Variants in BAZ2B observed in about 807,000 individuals in gnomAD.
BAZ2B encodes the protein bromodomain adjacent to zinc finger domain protein 2B.
A neutral mutation model predicts 246.0 loss-of-function variants in BAZ2B; 91 were observed. That is an observed-to-expected ratio of 0.37 (90% CI 0.31 to 0.44). The LOEUF (loss-of-function observed/expected upper bound fraction) is 0.44, where lower values mean the gene tolerates loss of function less well. Among genes scored for constraint, BAZ2B ranks in the 20% least tolerant of loss-of-function variants. BAZ2B has a pLI of 1.00. For missense variants in BAZ2B, 2,332 were observed against 2,533.7 expected (o/e 0.92, Z 1.71); for synonymous variants, 855 against 860.0 (o/e 0.99, Z 0.10).
At position 159,596,414 on chromosome 2, in the gene BAZ2B, TAA is replaced by T. The variant is rs202036226; in HGVS notation, c.-46+19826_-46+19827del. ...CGGCCCTAAAGTTTGTTCAAGAATATAAAAGACAATGAAGGACCTAACCTAGA... is the reference window on the plus strand; with the variant it reads ...CGGCCCTAAAGTTTGTTCAAGAATATAAGACAATGAAGGACCTAACCTAGA... On this transcript the variant is annotated intron_variant, in intron 1 of 36. Transcript: ENST00000392783. 5.4e-4 allele frequency among the ~76,000 whole-genome samples: 83 copies of T among 152,346 alleles called. 2 individuals are homozygous for T. In the East Asian group the frequency reaches 0.011, roughly 21 times the overall value.
chr2:159,588,905 C>G (rs1688666766), intron 1 of BAZ2B, among the ~76,000 whole-genome samples: 1 of 152,120 alleles, frequency 6.6e-6, no homozygotes, highest in Admixed American at 6.6e-5. Flanking sequence ...ATATAGTCAG[C>G]CACTCTACCT....
intron 2 of BAZ2B, among the ~76,000 whole-genome samples, chr2:159,545,917 A>G (rs2087272557): frequency 6.6e-6 from 1 of 152,228 alleles, no homozygotes; most frequent in African/African-American, 2.4e-5. Context: ...ACAACTACGG[A>G]TAAGGATAAA....
At chr2:159,475,713 T>C (rs923427419) in intron 3 of BAZ2B, among the ~76,000 whole-genome samples, 1 of 152,206 alleles carries the variant, frequency 6.6e-6, no homozygotes, top group African/African-American at 2.4e-5. Context: ...GTCTTTGATG[T>C]TGTTGACCTT....
At chr2:159,575,260 C>A (rs1685032249) in intron 1 of BAZ2B, among the ~76,000 whole-genome samples, 1 of 151,900 alleles carries the variant, frequency 6.6e-6, no homozygotes, top group Non-Finnish European at 1.5e-5. Flanking sequence ...CTCATTCATA[C>A]CAGGGTTACT....
chr2:159,584,786 A>G (rs1687663484), intron 1 of BAZ2B, among the ~76,000 whole-genome samples: 1 of 152,104 alleles, frequency 6.6e-6, no homozygotes, highest in Non-Finnish European at 1.5e-5. Context: ...AGGTGATTGG[A>G]TCATAGGGGT....
At chr2:159,356,515 A>G (rs1022120669) in intron 27 of BAZ2B, among the ~76,000 whole-genome samples, 4 of 152,092 alleles carry the variant, frequency 2.6e-5, no homozygotes, top group Admixed American at 6.5e-5. Flanking sequence ...TCAAACTCCC[A>G]TCTCCCTGGG....
chr2:159,449,408 A>C (rs12988336), intron 4 of BAZ2B, among the ~76,000 whole-genome samples: 49,876 of 152,010 alleles, frequency 0.33, 9,739 homozygotes, highest in Non-Finnish European at 0.46. Context: ...GAGGAAAAAA[A>C]CCCACAACAA....
intron 1 of BAZ2B, among the ~76,000 whole-genome samples, chr2:159,586,674 AC>A (rs1165077782): frequency 3.3e-5 from 5 of 152,156 alleles, no homozygotes; most frequent in Admixed American, 6.6e-5. Context: ...TTCAAGAACA[AC>A]CTGAGCAACA....
chr2:159,608,655 A>G (rs1255402561), intron 1 of BAZ2B, among the ~76,000 whole-genome samples: 1 of 152,208 alleles, frequency 6.6e-6, no homozygotes, highest in Non-Finnish European at 1.5e-5. Flanking sequence ...ACATAAAATA[A>G]TTTACAAAAT....
chr2:159,684,842 T>C, the BAZ2B span, among the ~76,000 whole-genome samples: 2 of 152,206 alleles, frequency 1.3e-5, no homozygotes, highest in Non-Finnish European at 2.9e-5. Context: ...TAATTTGATT[T>C]AGTAGTAACC....
intron 23 of BAZ2B, among the ~76,000 whole-genome samples, chr2:159,384,241 T>C (rs1051851266): frequency 6.6e-6 from 1 of 152,046 alleles, no homozygotes; most frequent in Non-Finnish European, 1.5e-5. Flanking sequence ...TTTGGGTGTA[T>C]GTGTTTTGAA....
At position 159,610,212 on chromosome 2, in the gene BAZ2B, T is replaced by C. The variant is rs202076534; in HGVS notation, c.-46+6030A>G. ...TTCTGACAACCTAATGCTTTCTTAC[T>C]ACAGCCAATCAGATTGTCAGACCTG... On this transcript the variant is annotated intron_variant, in intron 1 of 36. Transcript: ENST00000392783. Among the ~76,000 whole-genome samples, 3 of 152,176 alleles carry C rather than the reference T, an allele frequency of 2.0e-5. No homozygotes were observed. The East Asian group carries it at 5.8e-4, about 29-fold the overall frequency.
At chr2:159,452,319 A>T (rs1222300306) in intron 4 of BAZ2B, among the ~76,000 whole-genome samples, 1 of 152,238 alleles carries the variant, frequency 6.6e-6, no homozygotes, top group Non-Finnish European at 1.5e-5. Flanking sequence ...TAATAATGAT[A>T]GTTACCAATT....
chr2:159,436,668 G>A (rs1048310499), intron 8 of BAZ2B, among the ~76,000 whole-genome samples: 5 of 152,106 alleles, frequency 3.3e-5, no homozygotes, highest in South Asian at 2.1e-4. Context: ...GGAGAATGGC[G>A]TGAACCCAGG....
intron 1 of BAZ2B, among the ~76,000 whole-genome samples, chr2:159,560,909 C>T (rs867881079): frequency 2.6e-5 from 4 of 151,996 alleles, no homozygotes; most frequent in Admixed American, 2.6e-4. Flanking sequence ...AAATCACAGA[C>T]TTAGGATATA....
At chr2:159,514,899 A>G (rs1339645899) in intron 2 of BAZ2B, among the ~76,000 whole-genome samples, 1 of 152,172 alleles carries the variant, frequency 6.6e-6, no homozygotes, top group African/African-American at 2.4e-5. Context: ...CTAAGCTAGA[A>G]TACTCACAAA....
chr2:159,424,868 T>C (rs964222590), intron 13 of BAZ2B, among the ~76,000 whole-genome samples: 3 of 152,198 alleles, frequency 2.0e-5, no homozygotes, highest in Non-Finnish European at 4.4e-5. Flanking sequence ...TAGAAAATAA[T>C]GACAAGGAAA....
At chr2:159,519,898 G>A (rs1270873182) in intron 2 of BAZ2B, among the ~76,000 whole-genome samples, 1 of 151,262 alleles carries the variant, frequency 6.6e-6, no homozygotes, top group Non-Finnish European at 1.5e-5. Flanking sequence ...TACAACAGCT[G>A]GGAGTCCAAT....
chr2:159,704,054 A>C, the BAZ2B span, among the ~76,000 whole-genome samples: 4 of 152,174 alleles, frequency 2.6e-5, no homozygotes, highest in African/African-American at 9.7e-5. Context: ...GTAATAGAAA[A>C]ATATGAAGGA....
Sources: allele counts gnomAD v4.1 joint callset (sites outside exome capture counted in the v4.1 genomes callset), GRCh38; gene constraint gnomAD v4.1.1; transcripts MANE v1.5; gene names NCBI Gene and HGNC (gene_info 2026-07-23, HGNC 2026-07-21).